Variants in ERGIC2 observed in about 807,000 individuals in gnomAD.
ERGIC2 encodes endoplasmic reticulum-Golgi intermediate compartment protein 2.
A neutral mutation model predicts 52.5 loss-of-function variants in ERGIC2; 31 were observed. The observed-to-expected ratio is 0.59, with a 90% confidence interval of 0.44 to 0.80. ERGIC2 has a LOEUF of 0.80. Ranked by LOEUF, ERGIC2 falls within the 30% of genes least tolerant of loss-of-function variation. The pLI, the probability that ERGIC2 is intolerant of heterozygous loss-of-function variation, is 0.00. For synonymous variants in ERGIC2, 129 were observed against 140.6 expected, an observed-to-expected ratio of 0.92 and a Z score of 0.58; for missense variants, 395 against 455.2, an observed-to-expected ratio of 0.87 and a Z score of 1.20.
At chr12:29,369,433 T>C (rs1940408699) in intron 3 of ERGIC2, among the ~76,000 whole-genome samples, 1 of 151,928 alleles carries the variant, frequency 6.6e-6, no homozygotes, top group Admixed American at 6.6e-5. Context: ...CTCATAAACC[T>C]CTTGAGGAAG....
intron 10 of ERGIC2, among the ~76,000 whole-genome samples, chr12:29,348,147 G>T (rs1225707534): frequency 6.6e-6 from 1 of 151,934 alleles, no homozygotes; most frequent in Non-Finnish European, 1.5e-5. Flanking sequence ...AGTACACTCA[G>T]GTTTCCTGAA....
intron 4 of ERGIC2, among the ~76,000 whole-genome samples, chr12:29,367,804 A>C (rs1447479318): frequency 2.6e-5 from 4 of 151,854 alleles, no homozygotes; most frequent in Non-Finnish European, 4.4e-5. Flanking sequence ...AGTGACGAAA[A>C]AAGAAAAGGG....
chr12:29,341,328 C>T (rs569848771), intron 13 of ERGIC2, 110 bp from the exon 14 acceptor site: 2 of 805,070 alleles, frequency 2.5e-6, no homozygotes, highest in South Asian at 1.6e-5. Context: ...TAACCAAAAG[C>T]TACTATTTCT....
rs574625805 is a variant in ERGIC2 at position 29,345,426 on chromosome 12, G to A, written c.825+17C>T. ...AAAAAAATCACCAAATTATTTTACC[G>A]GTTGGATTCAACTTACCCTTTCTGT... On this transcript the variant is annotated intron_variant, in intron 11 of 13. Coordinates refer to ENST00000360150, the MANE Select transcript of ERGIC2 (RefSeq NM_016570.3). 1.0e-4 allele frequency: 138 copies of A among 1,315,922 alleles called. No individual in the cohort carries two copies. In the East Asian group the frequency reaches 2.2e-3, roughly 21 times the overall value. 81.5% of individuals were successfully genotyped at this position (1,315,922 alleles called of 1,614,324 possible). A position where few individuals can be genotyped will look rare whatever the true frequency, so the allele number is the denominator to read the frequency against.
chr12:29,349,196 A>G lies in ERGIC2; in HGVS notation c.629-19T>C. The G allele has an allele frequency of 8.1e-7, 1 of 1,237,032 alleles. No individual in the cohort carries two copies. The highest frequency in any genetic ancestry group is 1.1e-6 in the Non-Finnish European group (1 of 871,424). 76.6% of individuals were successfully genotyped at this position (1,237,032 alleles called of 1,614,324 possible). On this transcript the variant is annotated intron_variant, in intron 9 of 13. Transcript: ENST00000360150. ...TTGTAAGCTAAAAGGCAAAAAATAAAAACAACTTAGCAGAGAAATTATATT... is the reference window on the plus strand; with the variant it reads ...TTGTAAGCTAAAAGGCAAAAAATAAGAACAACTTAGCAGAGAAATTATATT...
chr12:29,377,665 T>G (rs1323760481), intron 1 of ERGIC2, among the ~76,000 whole-genome samples: 2 of 152,190 alleles, frequency 1.3e-5, no homozygotes, highest in African/African-American at 4.8e-5. Flanking sequence ...GACTGTATTT[T>G]GAAAAACTTC....
In ERGIC2 at chr12:29,371,704, C is replaced by G. The variant is rs539921466; in HGVS notation, c.-37-34G>C. On this transcript the variant is annotated intron_variant, in intron 1 of 13. Coordinates refer to ENST00000360150, the MANE Select transcript of ERGIC2 (RefSeq NM_016570.3). The stretch of plus-strand genomic sequence containing the variant: ...TAAATAAATTAATGAATAAATGAAT[C>G]CTTTAAAGAGATAAAAAGGTTTCTT... 2.8e-5 allele frequency: 27 copies of G among 966,416 alleles called. No homozygotes were observed. In the East Asian group the frequency reaches 7.0e-4, roughly 25 times the overall value. 59.9% of individuals were successfully genotyped at this position (966,416 alleles called of 1,614,324 possible).
intron 1 of ERGIC2, among the ~76,000 whole-genome samples, chr12:29,378,411 T>G (rs750342061): frequency 2.6e-5 from 4 of 152,112 alleles, no homozygotes; most frequent in Non-Finnish European, 5.9e-5. Flanking sequence ...TAGTAAGTTG[T>G]TACAGCAGCC....
chr12:29,370,547 CAGAT>C (rs1483647297), intron 2 of ERGIC2, among the ~76,000 whole-genome samples: 1 of 151,850 alleles, frequency 6.6e-6, no homozygotes, highest in Non-Finnish European at 1.5e-5. Flanking sequence ...AACAGTGTCA[CAGAT>C]AGGATAAATG....
rs1437777321 is a variant in ERGIC2, at chr12:29,340,055, TAGTA to T, written c.*1097_*1100del. 1 of 152,154 alleles carries T rather than the reference TAGTA, an allele frequency of 6.6e-6. No homozygotes were observed. The highest frequency in any genetic ancestry group is 2.4e-5 in the African/African-American group (1 of 41,458). 9.4% of individuals were successfully genotyped at this position (152,154 alleles called of 1,614,324 possible). ...TGAAGATTTAGAACCAATCCTTAAA[TAGTA>T]AGAAAGTTAGAACACAATCTAATAC... On this transcript the variant is annotated 3_prime_UTR_variant, in exon 14 of 14. Transcript: ENST00000360150.
At chr12:29,377,583 T>A (rs1393638781) in intron 1 of ERGIC2, among the ~76,000 whole-genome samples, 1 of 152,192 alleles carries the variant, frequency 6.6e-6, no homozygotes, top group Admixed American at 6.5e-5. Context: ...GCATGCAATT[T>A]TTCCTTCTTG....
rs185125812 is a variant in ERGIC2, at chr12:29,358,153, T to G, written c.375-429A>C. Among the ~76,000 whole-genome samples the G allele has an allele frequency of 5.6e-3, 859 of 152,328 alleles. 11 individuals carry two copies. Among genetic ancestry groups the G allele is most frequent in the African/African-American group, 0.02 (834 of 41,590 alleles). ...TGATGGACTTGAAATGGTACATTAC[T>G]CAGTATAAACTCATACCACAAGTAA... On this transcript the variant is annotated intron_variant, in intron 6 of 13. Transcript: ENST00000360150.
chr12:29,374,072 A>G (rs2136881853), intron 1 of ERGIC2, among the ~76,000 whole-genome samples: 1 of 152,160 alleles, frequency 6.6e-6, no homozygotes, highest in Middle Eastern at 3.4e-3. Context: ...CTCAAGTCCA[A>G]CTCCAACAAT....
chr12:29,377,459 AC>A (rs1940529910), intron 1 of ERGIC2, among the ~76,000 whole-genome samples: 2 of 152,192 alleles, frequency 1.3e-5, no homozygotes, highest in Non-Finnish European at 2.9e-5. Context: ...TCTTTAGACT[AC>A]TTATAAAACC....
At chr12:29,356,241 T>C (rs1237409972) in intron 8 of ERGIC2, 141 bp downstream of exon 8, 12 of 518,494 alleles carry the variant, frequency 2.3e-5, no homozygotes, top group Middle Eastern at 2.9e-4. Flanking sequence ...AAGGCAGTTC[T>C]TGAACTCCTG....
rs1410730733 is a variant in ERGIC2, at chr12:29,366,921, C to G, written c.289G>C (p.Ala97Pro). 3 of 1,601,876 alleles carry G rather than the reference C, an allele frequency of 1.9e-6. No individual in the cohort carries two copies. Among genetic ancestry groups the G allele is most frequent in the Non-Finnish European group, 2.6e-6 (3 of 1,173,470 alleles). ...QYVGADVLDL[A>P]ETMVASADGL... is the part of the protein sequence containing the mutation. ...TCTGCAGATGCAACCATTGTTTCTG[C>G]TAAATCCAATACATCCGCTCCAACA... is the stretch of plus-strand genomic sequence containing the variant. The change falls in exon 5 of 14, where the codon GCA becomes CCA. Residue 97 changes from alanine (A) to proline (P), a missense_variant. By Grantham distance (27) the Ala-to-Pro change is conservative (BLOSUM62 -1). Transcript: ENST00000360150.
intron 5 of ERGIC2, among the ~76,000 whole-genome samples, chr12:29,363,800 A>G (rs982568058): frequency 2.4e-4 from 36 of 150,448 alleles, no homozygotes; most frequent in African/African-American, 6.6e-4. Context: ...ATGTAGGGGG[A>G]AAAAAAAAGA....
chr12:29,348,870 A>G (rs144253987), intron 10 of ERGIC2, among the ~76,000 whole-genome samples: 65 of 151,994 alleles, frequency 4.3e-4, no homozygotes, highest in Non-Finnish European at 7.5e-4. Context: ...TTTTAACTTG[A>G]ATTTCTTTAT....
chr12:29,340,690 TC>T lies in ERGIC2; in HGVS notation c.*465del, dbSNP rs1375665806. The T allele has an allele frequency of 9.2e-6, 3 of 325,896 alleles. No homozygotes were observed. The highest frequency in any genetic ancestry group is 1.7e-5 in the Non-Finnish European group (3 of 173,096). The allele number at this position is 325,896 out of a possible 1,614,324, so 20.2% of individuals were successfully genotyped here. A position where few individuals can be genotyped will look rare whatever the true frequency, so the allele number is the denominator to read the frequency against. ...ATTAACAATGTGACCTGATCACAATTCTTTAAAGTCTAGACTAGTTTTCCGT... is the reference window on the plus strand; with the variant it reads ...ATTAACAATGTGACCTGATCACAATTTTTAAAGTCTAGACTAGTTTTCCGT... On this transcript the variant is annotated 3_prime_UTR_variant, in exon 14 of 14. Coordinates refer to ENST00000360150, the MANE Select transcript of ERGIC2 (RefSeq NM_016570.3).
Sources: allele counts gnomAD v4.1 joint callset (sites outside exome capture counted in the v4.1 genomes callset), GRCh38; gene constraint gnomAD v4.1.1; transcripts MANE v1.5; gene names NCBI Gene and HGNC (gene_info 2026-07-23, HGNC 2026-07-21).